Variants in MAP2K5 observed in about 807,000 individuals in gnomAD.
The protein encoded by MAP2K5 is dual specificity mitogen-activated protein kinase kinase 5.
In MAP2K5, 49 loss-of-function variants were observed where a neutral mutation model predicts 83.1. The ratio of observed to expected loss-of-function variants is 0.59; its 90% CI spans 0.47 to 0.75. The LOEUF (loss-of-function observed/expected upper bound fraction) is 0.75. Ranked by LOEUF, MAP2K5 falls within the 30% of genes least tolerant of loss-of-function variation. MAP2K5 has a pLI of 0.00. For missense variants in MAP2K5, 457 were observed against 557.5 expected (o/e 0.82, Z 1.82); for synonymous variants, 202 against 191.8 (o/e 1.05, Z -0.44).
Position 67,806,897 on chromosome 15 carries a change from C to G in MAP2K5, c.*147C>G. The G allele has an allele frequency of 6.3e-7, 1 of 1,593,298 alleles. No individual in the cohort carries two copies. Among genetic ancestry groups the G allele is most frequent in the Non-Finnish European group, 8.5e-7 (1 of 1,177,656 alleles). The stretch of plus-strand genomic sequence containing the variant: ...GCCTTCACCTCTGTCAGCAGGTGGC[C>G]TTGCCTGGGGAGCCCCATGTGTGGC... On this transcript the variant is annotated 3_prime_UTR_variant, in exon 22 of 22. Coordinates refer to ENST00000178640, the MANE Select transcript of MAP2K5 (RefSeq NM_145160.3).
intron 16 of MAP2K5, among the ~76,000 whole-genome samples, chr15:67,716,349 A>G (rs968648913): frequency 6.6e-6 from 1 of 152,184 alleles, no homozygotes; most frequent in Non-Finnish European, 1.5e-5. Flanking sequence ...AATAAAAAAG[A>G]AAATAAATAA....
At chr15:67,585,394 A>G (rs1348472346) in intron 4 of MAP2K5, among the ~76,000 whole-genome samples, 1 of 152,220 alleles carries the variant, frequency 6.6e-6, no homozygotes, top group African/African-American at 2.4e-5. Flanking sequence ...CTGTATTTTA[A>G]TACATTTGAC....
intron 9 of MAP2K5, among the ~76,000 whole-genome samples, chr15:67,645,561 CT>C (rs1295191591): frequency 6.6e-6 from 1 of 151,990 alleles, no homozygotes; most frequent in African/African-American, 2.4e-5. Flanking sequence ...CAAGATAGTT[CT>C]TTTTTTTAAG....
intron 21 of MAP2K5, among the ~76,000 whole-genome samples, chr15:67,795,531 T>C (rs895512512): frequency 3.3e-5 from 5 of 152,206 alleles, no homozygotes; most frequent in Non-Finnish European, 7.3e-5. Context: ...AAAGATGTTT[T>C]GTTATCTTGT....
chr15:67,596,427 C>T (rs1047505770), intron 7 of MAP2K5, among the ~76,000 whole-genome samples: 1 of 151,880 alleles, frequency 6.6e-6, no homozygotes, highest in Non-Finnish European at 1.5e-5. Flanking sequence ...AAAAACTCAA[C>T]AACAACAGGA....
rs370865640 is a variant in MAP2K5, at chr15:67,600,350, T to C, written c.481-335T>C. On this transcript the variant is annotated intron_variant, in intron 7 of 21. Coordinates refer to ENST00000178640, the MANE Select transcript of MAP2K5 (RefSeq NM_145160.3). ...GACTTTGGTTATGTGCAGTGCTCTT[T>C]GGCATTGGTTATATGCAGTACTGGA... Among the ~76,000 whole-genome samples, 70 of 152,328 alleles carry C rather than the reference T, an allele frequency of 4.6e-4. 1 individual carries two copies. The South Asian group carries it at 0.013, about 28-fold the overall frequency.
chr15:67,745,815 T>C (rs767003085), intron 17 of MAP2K5, among the ~76,000 whole-genome samples: 1 of 152,222 alleles, frequency 6.6e-6, no homozygotes, highest in Non-Finnish European at 1.5e-5. Flanking sequence ...TCTTGTGAAA[T>C]AGAAGATATA....
At chr15:67,803,631 G>C (rs1200797210) in intron 21 of MAP2K5, among the ~76,000 whole-genome samples, 1 of 152,266 alleles carries the variant, frequency 6.6e-6, no homozygotes, top group East Asian at 1.9e-4. Context: ...TCTAACATGG[G>C]GGTCATGGTG....
At position 67,806,890 on chromosome 15, in the gene MAP2K5, A is replaced by G. The variant is rs774795599; in HGVS notation, c.*140A>G. On this transcript the variant is annotated 3_prime_UTR_variant, in exon 22 of 22. Transcript: ENST00000178640. ...TGCCCTCGCCTTCACCTCTGTCAGCAGGTGGCCTTGCCTGGGGAGCCCCAT... is the reference window on the plus strand; with the variant it reads ...TGCCCTCGCCTTCACCTCTGTCAGCGGGTGGCCTTGCCTGGGGAGCCCCAT... 7 of 1,594,068 alleles carry G rather than the reference A, an allele frequency of 4.4e-6. No individual in the cohort carries two copies. The African/African-American group carries it at 8.0e-5, about 18-fold the overall frequency.
chr15:67,675,346 G>A (rs1420517996), intron 13 of MAP2K5, among the ~76,000 whole-genome samples: 5 of 152,190 alleles, frequency 3.3e-5, no homozygotes, highest in Non-Finnish European at 7.3e-5. Context: ...CAGTCACAAA[G>A]GTTACATAGT....
chr15:67,705,605 G>A (rs551016944), intron 16 of MAP2K5, among the ~76,000 whole-genome samples: 1 of 152,004 alleles, frequency 6.6e-6, no homozygotes, highest in Non-Finnish European at 1.5e-5. Flanking sequence ...GTGTGGTGGT[G>A]TACACCTGTA....
Position 67,807,006 on chromosome 15 carries a change from G to A in MAP2K5, c.*256G>A. 6.9e-7 allele frequency: 1 copy of A among 1,446,682 alleles called. No individual in the cohort carries two copies. Among genetic ancestry groups the A allele is most frequent in the South Asian group, 1.3e-5 (1 of 75,134 alleles). The allele number at this position is 1,446,682 out of a possible 1,614,324, so 89.6% of individuals were successfully genotyped here. ...GGTAAAGGGTGGGGCATTGAGAATG[G>A]AGGCTCCCAGGGTCCCTGCCCACTT... On this transcript the variant is annotated 3_prime_UTR_variant, in exon 22 of 22. Coordinates refer to ENST00000178640, the MANE Select transcript of MAP2K5 (RefSeq NM_145160.3). The surrounding 1 kb of genome is among the most constrained non-coding windows in gnomAD (Gnocchi z 5.1).
intron 1 of MAP2K5, chr15:67,549,049 C>T (rs2084454401): frequency 2.7e-6 from 4 of 1,504,396 alleles, no homozygotes; most frequent in Non-Finnish European, 3.5e-6. Flanking sequence ...TGTGGGCTCC[C>T]TGCTGAGAAA....
At chr15:67,584,515 G>A (rs2085247805) in intron 4 of MAP2K5, among the ~76,000 whole-genome samples, 1 of 152,054 alleles carries the variant, frequency 6.6e-6, no homozygotes, top group South Asian at 2.1e-4. Context: ...AAGATTTTGA[G>A]TCTTAATTTT....
At chr15:67,549,215 T>G in intron 1 of MAP2K5, 1 of 1,530,658 alleles carries the variant, frequency 6.5e-7, no homozygotes, top group Non-Finnish European at 8.8e-7. Context: ...AGCGTAGGTG[T>G]TCTATGCTTA....
At chr15:67,595,296 G>A (rs2085500000) in intron 7 of MAP2K5, among the ~76,000 whole-genome samples, 1 of 152,182 alleles carries the variant, frequency 6.6e-6, no homozygotes, top group Admixed American at 6.5e-5. Context: ...AGTGTCAACA[G>A]TTCATAAGAA....
intron 13 of MAP2K5, among the ~76,000 whole-genome samples, chr15:67,675,873 T>A (rs1314858779): frequency 6.6e-6 from 1 of 152,108 alleles, no homozygotes; most frequent in Non-Finnish European, 1.5e-5. Context: ...ATTACCCTCT[T>A]CCATTCTGAA....
At chr15:67,598,217 A>C (rs1039456972) in intron 7 of MAP2K5, among the ~76,000 whole-genome samples, 3 of 152,040 alleles carry the variant, frequency 2.0e-5, no homozygotes, top group Non-Finnish European at 2.9e-5. Flanking sequence ...AAAAAAAAAA[A>C]CTAAAACTAA....
intron 11 of MAP2K5, among the ~76,000 whole-genome samples, chr15:67,647,676 C>T (rs1596717295): frequency 6.6e-6 from 1 of 152,084 alleles, no homozygotes; most frequent in Admixed American, 6.5e-5. Flanking sequence ...TTGAGACCAG[C>T]CTAACCAACA....
Sources: allele counts gnomAD v4.1 joint callset (sites outside exome capture counted in the v4.1 genomes callset), GRCh38; gene constraint gnomAD v4.1.1; non-coding constraint Gnocchi (gnomAD v3.1); transcripts MANE v1.5; gene names NCBI Gene and HGNC (gene_info 2026-07-23, HGNC 2026-07-21).